SP3: variants seen among roughly 807,000 people sequenced by gnomAD.
SP3 encodes Sp3 transcription factor.
SP3 carries 10 observed loss-of-function variants against 70.3 expected under a neutral mutation model. The ratio of observed to expected loss-of-function variants is 0.14; its 90% CI spans 0.09 to 0.24. The LOEUF (loss-of-function observed/expected upper bound fraction) is 0.24. SP3 is among the 10% of genes least tolerant of loss of function. The pLI is 1.00. For synonymous variants in SP3, 402 were observed against 333.5 expected, an observed-to-expected ratio of 1.21 and a Z score of -2.24; for missense variants, 825 against 914.6, an observed-to-expected ratio of 0.90 and a Z score of 1.26.
intron 2 of SP3, chr2:173,964,191 G>C (rs894978417): frequency 2.2e-6 from 1 of 459,594 alleles, no homozygotes; most frequent in Non-Finnish European, 3.8e-6. Flanking sequence ...ACACTCACAC[G>C]CGCACAAAAA....
chr2:173,940,040 A>AT (rs947960044), intron 4 of SP3, among the ~76,000 whole-genome samples: 10 of 151,134 alleles, frequency 6.6e-5, no homozygotes, highest in South Asian at 2.1e-4. Flanking sequence ...TGACCAGCTA[A>AT]TTTTTTTTTG....
intron 1 of SP3, chr2:173,964,897 C>G (rs999556129): frequency 3.9e-6 from 2 of 508,812 alleles, no homozygotes; most frequent in Non-Finnish European, 6.8e-6. Flanking sequence ...CACGCCCGCC[C>G]GCGCCCGCAC....
intron 4 of SP3, among the ~76,000 whole-genome samples, chr2:173,945,672 AAG>A (rs1214278193): frequency 6.6e-6 from 1 of 152,206 alleles, no homozygotes; most frequent in Non-Finnish European, 1.5e-5. Flanking sequence ...TGTGAGGTGA[AAG>A]AGGTAAATAA....
Position 173,955,755 on chromosome 2 carries a change from C to T in SP3, c.757G>A (p.Val253Ile). Residue 253 changes from valine to isoleucine, a missense_variant, in exon 4 of 7, where the codon GTT becomes ATT. Val to Ile is a conservative substitution (Grantham distance 29, BLOSUM62 3). Around this residue, in one of 4 missense-constraint regions of SP3, gnomAD observed 678 missense variants for 651.6 expected, o/e 1.04. Coordinates refer to ENST00000310015, the MANE Select transcript of SP3 (RefSeq NM_003111.5). The part of the protein sequence containing the change: ...GSSFPGQTQV[V>I]ANVPLGLPGN... ...GGCAGACCAAGAGGCACATTAGCAA[C>T]TACTTGGGTTTGACCAGGAAAAGAT... 1 of 1,614,178 alleles carries T rather than the reference C, an allele frequency of 6.2e-7. No homozygotes were observed. The highest frequency in any genetic ancestry group is 2.2e-5 in the East Asian group (1 of 44,880).
chr2:173,920,629 G>A (rs538043476), intron 4 of SP3, among the ~76,000 whole-genome samples: 23 of 149,834 alleles, frequency 1.5e-4, no homozygotes, highest in Non-Finnish European at 3.2e-4. Context: ...TTATTTTTAA[G>A]CAGAGTCTTG....
At chr2:173,913,395 C>A in intron 5 of SP3, 129 bp from the exon 6 acceptor site, 1 of 627,548 alleles carries the variant, frequency 1.6e-6, no homozygotes, top group African/African-American at 1.9e-5. Flanking sequence ...AATCAGAAAC[C>A]AAAACCATTT....
chr2:173,916,924 T>C (rs974675789), intron 5 of SP3: 4 of 152,048 alleles, frequency 2.6e-5, no homozygotes, highest in South Asian at 2.1e-4. Context: ...TCAGACTATA[T>C]AGACTTGAAA....
At chr2:173,952,101 A>ATT (rs546757353) in intron 4 of SP3, among the ~76,000 whole-genome samples, 10,980 of 140,818 alleles carry the variant, frequency 0.078, 638 homozygotes, top group African/African-American at 0.16. Flanking sequence ...GGCTCACTTC[A>ATT]TTTTTTTTTT....
intron 4 of SP3, among the ~76,000 whole-genome samples, chr2:173,945,582 A>G (rs1690513947): frequency 6.6e-6 from 1 of 152,206 alleles, no homozygotes; most frequent in South Asian, 2.1e-4. Context: ...ATAAAAGGCA[A>G]TTTAACAAAA....
intron 5 of SP3, chr2:173,915,283 C>T (rs1481485856): frequency 6.6e-6 from 1 of 152,074 alleles, no homozygotes; most frequent in African/African-American, 2.4e-5. Flanking sequence ...AAAAGCTCAA[C>T]ATCCAGGCCC....
intron 4 of SP3, among the ~76,000 whole-genome samples, chr2:173,932,049 A>C (rs1224913870): frequency 6.6e-6 from 1 of 152,218 alleles, no homozygotes; most frequent in African/African-American, 2.4e-5. Context: ...CAAGAGGCCC[A>C]GCTTCTGGTC....
intron 4 of SP3, among the ~76,000 whole-genome samples, chr2:173,944,990 C>T (rs1232802508): frequency 2.0e-5 from 3 of 152,096 alleles, no homozygotes; most frequent in Admixed American, 6.6e-5. Flanking sequence ...GTTCAAGATG[C>T]ATTTAATAAG....
chr2:173,948,894 T>C (rs1397766617), intron 4 of SP3, among the ~76,000 whole-genome samples: 1 of 152,164 alleles, frequency 6.6e-6, no homozygotes, highest in African/African-American at 2.4e-5. Context: ...AATACATACA[T>C]GATTCACAAA....
intron 4 of SP3, among the ~76,000 whole-genome samples, chr2:173,953,471 G>C (rs1690779338): frequency 6.7e-6 from 1 of 149,968 alleles, no homozygotes; most frequent in Admixed American, 7.0e-5. Flanking sequence ...CCAGAACTTT[G>C]GGAGGCCCAC....
In SP3 at chr2:173,956,169, T is replaced by G; in HGVS notation, c.343A>C (p.Thr115Pro). ...APNRWEVLSA[T>P]PTTIKDEAGN... ...GCTTCATCTTTTATAGTTGTAGGTG[T>G]GGCTGACAAAACCTCCCATCGGTTT... is the stretch of plus-strand genomic sequence containing the variant. The change falls in exon 4 of 7, where the codon ACA becomes CCA. Residue 115 changes from threonine to proline, a missense_variant. Transcript: ENST00000310015. The G allele has an allele frequency of 1.9e-6, 3 of 1,614,092 alleles. No individual in the cohort carries two copies. Among genetic ancestry groups the G allele is most frequent in the Non-Finnish European group, 2.5e-6 (3 of 1,179,940 alleles).
intron 4 of SP3, among the ~76,000 whole-genome samples, chr2:173,951,779 G>A (rs1366765236): frequency 6.6e-6 from 1 of 152,106 alleles, no homozygotes; most frequent in African/African-American, 2.4e-5. Context: ...TTTCTATACT[G>A]TTATTGGTCT....
chr2:173,957,735 G>C (rs566074310), intron 3 of SP3, among the ~76,000 whole-genome samples: 22 of 152,200 alleles, frequency 1.4e-4, no homozygotes, highest in South Asian at 1.2e-3. Flanking sequence ...GTCTTATAAA[G>C]ATAAACTAAG....
Position 173,903,915 on chromosome 2 carries a change from G to A in SP3, c.*6026C>T, listed in dbSNP as rs754290019. ...AGGCAATAAACGTGACTTTTTGTTG[G>A]TATTTCCTAGGACGGCGGTCCCCAA... is the stretch of plus-strand genomic sequence containing the variant. On this transcript the variant is annotated 3_prime_UTR_variant, in exon 7 of 7. Coordinates refer to ENST00000310015, the MANE Select transcript of SP3 (RefSeq NM_003111.5). 1.3e-5 allele frequency among the ~76,000 whole-genome samples: 2 copies of A among 148,204 alleles called. No homozygotes were observed. Among genetic ancestry groups the A allele is most frequent in the Non-Finnish European group, 3.0e-5 (2 of 67,166 alleles).
intron 5 of SP3, chr2:173,916,197 T>G (rs1439154410): frequency 6.6e-6 from 1 of 152,090 alleles, no homozygotes; most frequent in African/African-American, 2.4e-5. Context: ...ATCTCAATTT[T>G]TATTGCTTAG....
Sources: allele counts gnomAD v4.1 joint callset (sites outside exome capture counted in the v4.1 genomes callset), GRCh38; gene constraint gnomAD v4.1.1; regional missense constraint gnomAD v4.1.1; transcripts MANE v1.5; gene names NCBI Gene and HGNC (gene_info 2026-07-23, HGNC 2026-07-21).